The following FBXL13 variants were observed in gnomAD, a reference collection of about 807,000 sequenced individuals.
FBXL13 encodes F-box and leucine rich repeat protein 13.
In FBXL13, 67 loss-of-function variants were observed where a neutral mutation model predicts 83.6. The observed-to-expected ratio is 0.80, with a 90% CI of 0.66 to 0.98. The LOEUF is 0.98. Ranked by LOEUF, FBXL13 falls within the 50% of genes least tolerant of loss-of-function variation. The pLI is 0.00. For synonymous variants in FBXL13, 272 were observed against 299.5 expected, an observed-to-expected ratio of 0.91 and a Z score of 0.95; for missense variants, 822 against 866.5, an observed-to-expected ratio of 0.95 and a Z score of 0.64.
At chr7:103,035,146 T>C (rs760244416) in intron 2 of FBXL13, among the ~76,000 whole-genome samples, 3 of 152,142 alleles carry the variant, frequency 2.0e-5, no homozygotes, top group Non-Finnish European at 4.4e-5. Flanking sequence ...AGGAAGAGTA[T>C]TTGGCACTTA....
chr7:103,027,274 C>A (rs776703750), intron 5 of FBXL13, among the ~76,000 whole-genome samples, 175 bp downstream of exon 6: 40 of 151,686 alleles, frequency 2.6e-4, no homozygotes, highest in South Asian at 6.2e-4. Context: ...CCAGCCTGGA[C>A]AACAAGAGCA....
intron 17 of FBXL13, among the ~76,000 whole-genome samples, chr7:102,839,512 G>T (rs1802565387): frequency 6.6e-6 from 1 of 152,180 alleles, no homozygotes; most frequent in South Asian, 2.1e-4. Flanking sequence ...CTTCACAGTG[G>T]CATGATCTTG....
chr7:102,850,391 A>C (rs930307833), intron 17 of FBXL13, among the ~76,000 whole-genome samples: 2 of 152,214 alleles, frequency 1.3e-5, no homozygotes, highest in Admixed American at 6.5e-5. Flanking sequence ...CTATGTCATC[A>C]CCATGGTAGG....
In FBXL13 at chr7:102,883,559, A is replaced by G. The variant is rs778262384; in HGVS notation, c.1225+9T>C. 18 of 1,596,958 alleles carry G rather than the reference A, an allele frequency of 1.1e-5. No homozygotes were observed. Among genetic ancestry groups the G allele is most frequent in the Non-Finnish European group, 1.5e-5 (18 of 1,166,716 alleles). On this transcript the variant is annotated intron_variant, in intron 13 of 19. Coordinates refer to ENST00000313221, the Ensembl canonical transcript of FBXL13. The stretch of plus-strand genomic sequence containing the variant: ...AATAATGCTGAACCACATTTTTAAT[A>G]TAACAGACCTTCAAATCGGATCTTT...
chr7:102,988,483 A>G lies in FBXL13; in HGVS notation c.496-20366T>C, dbSNP rs1829233008. The G allele has an allele frequency of 3.9e-5, 6 of 152,380 alleles. 1 individual carries two copies. The Middle Eastern group carries it at 0.02, about 518-fold the overall frequency. 9.4% of individuals were successfully genotyped at this position (152,380 alleles called of 1,614,324 possible). On this transcript the variant is annotated intron_variant, in intron 6 of 19. Transcript: ENST00000313221. The stretch of plus-strand genomic sequence containing the variant: ...TAGAAGATAAATTAGAAAATTTGGA[A>G]AAACCCAAACAGATCAGCCATATTG...
chr7:103,036,662 C>A (rs778132191), intron 2 of FBXL13, among the ~76,000 whole-genome samples: 10 of 152,092 alleles, frequency 6.6e-5, no homozygotes, highest in Non-Finnish European at 1.3e-4. Context: ...CAGGTGTGCA[C>A]CACCACACGT....
intron 18 of FBXL13, among the ~76,000 whole-genome samples, chr7:102,825,447 G>T (rs1008471693): frequency 6.6e-6 from 1 of 152,180 alleles, no homozygotes; most frequent in Admixed American, 6.5e-5. Flanking sequence ...CAGCAAGAAG[G>T]TTCTCCACCA....
At chr7:102,857,944 A>AGTGG (rs1806267823) in intron 16 of FBXL13, among the ~76,000 whole-genome samples, 1 of 152,206 alleles carries the variant, frequency 6.6e-6, no homozygotes, top group East Asian at 1.9e-4. Flanking sequence ...CAATCTCACT[A>AGTGG]GTGGGTATTT....
chr7:103,000,435 T>C (rs1790266682), intron 6 of FBXL13, among the ~76,000 whole-genome samples: 1 of 152,224 alleles, frequency 6.6e-6, no homozygotes, highest in South Asian at 2.1e-4. Context: ...TTTTATTCCA[T>C]TGTGATCAGA....
chr7:102,960,929 C>A (rs1405068642), intron 8 of FBXL13, among the ~76,000 whole-genome samples: 1 of 152,014 alleles, frequency 6.6e-6, no homozygotes, highest in Admixed American at 6.5e-5. Flanking sequence ...TGGCACAAGA[C>A]AGGGATGCCC....
intron 18 of FBXL13, among the ~76,000 whole-genome samples, chr7:102,824,491 CT>C (rs1241078297): frequency 3.9e-5 from 6 of 151,948 alleles, no homozygotes; most frequent in Non-Finnish European, 8.8e-5. Flanking sequence ...TTTGCATCCT[CT>C]TTTTTTCTTT....
Position 102,904,375 on chromosome 7 carries a change from TTCTC to T in FBXL13, c.1008+8707_1008+8710del, listed in dbSNP as rs570530971. On this transcript the variant is annotated intron_variant, in intron 11 of 19. Coordinates refer to ENST00000313221, the Ensembl canonical transcript of FBXL13. Reference sequence around the variant, plus strand: ...CATTCTGATTTTATTTATTTGGATCTTCTCTCTTTTATTCTTTTTCTTTTTTTTT... The same window carrying T: ...CATTCTGATTTTATTTATTTGGATCTTCTTTTATTCTTTTTCTTTTTTTTT... Among the ~76,000 whole-genome samples the T allele has an allele frequency of 3.5e-4, 54 of 152,202 alleles. 1 individual carries two copies. The East Asian group carries it at 9.8e-3, about 28-fold the overall frequency.
At chr7:102,868,555 TC>T (rs1467002185) in intron 16 of FBXL13, among the ~76,000 whole-genome samples, 1 of 152,242 alleles carries the variant, frequency 6.6e-6, no homozygotes, top group African/African-American at 2.4e-5. Context: ...TTAAATCCAT[TC>T]ATCCATTGAT....
chr7:102,961,969 A>T, intron 8 of FBXL13, among the ~76,000 whole-genome samples: 1 of 149,766 alleles, frequency 6.7e-6, no homozygotes, highest in Non-Finnish European at 1.5e-5. Context: ...TGGCAACAAA[A>T]GACAAAATTG....
At chr7:102,859,878 C>T (rs1394136362) in intron 16 of FBXL13, among the ~76,000 whole-genome samples, 1 of 152,084 alleles carries the variant, frequency 6.6e-6, no homozygotes, top group Non-Finnish European at 1.5e-5. Flanking sequence ...GGAGTGGTGG[C>T]CTGGGGAAGT....
intron 10 of FBXL13, among the ~76,000 whole-genome samples, chr7:102,921,171 G>A (rs1208211391): frequency 6.6e-6 from 1 of 151,750 alleles, no homozygotes; most frequent in Non-Finnish European, 1.5e-5. Context: ...CGAATTCAAG[G>A]CAAAGAAACA....
chr7:102,977,035 C>T (rs1827570869), intron 6 of FBXL13, among the ~76,000 whole-genome samples: 1 of 152,168 alleles, frequency 6.6e-6, no homozygotes. Context: ...AAAACCCCAA[C>T]ACCCATGGAG....
intron 6 of FBXL13, among the ~76,000 whole-genome samples, chr7:103,017,618 G>A (rs562692972): frequency 3.5e-4 from 53 of 152,244 alleles, no homozygotes; most frequent in South Asian, 1.5e-3. Context: ...CTAGTGTAGA[G>A]AAGTCCTTAA....
chr7:102,966,089 G>A (rs1825941494), intron 7 of FBXL13, among the ~76,000 whole-genome samples: 1 of 152,138 alleles, frequency 6.6e-6, no homozygotes. Context: ...CCCATTCTTG[G>A]TTGCACTACT....
Sources: gnomAD v4.1 joint callset for allele counts (sites outside exome capture counted in the v4.1 genomes callset) on GRCh38, gnomAD v4.1.1 for gene constraint, MANE v1.5 for transcripts, NCBI Gene and HGNC (gene_info 2026-07-23, HGNC 2026-07-21) for gene names.